The following KCND2 variants were observed in gnomAD, a reference collection of about 807,000 sequenced individuals.
KCND2 encodes the protein potassium voltage-gated channel subfamily D member 2.
A neutral mutation model predicts 54.4 loss-of-function variants in KCND2; 16 were observed. That is an observed-to-expected ratio of 0.29 (90% CI 0.20 to 0.45). The LOEUF is 0.45. Ranked by LOEUF, KCND2 falls within the 20% of genes least tolerant of loss-of-function variation. KCND2 has a pLI of 1.00. For synonymous variants in KCND2, 317 were observed against 310.7 expected (o/e 1.02, Z -0.21); for missense variants, 486 against 824.2 (o/e 0.59, Z 5.02).
intron 1 of KCND2, among the ~76,000 whole-genome samples, chr7:120,426,580 T>G (rs1801709240): frequency 6.9e-6 from 1 of 145,004 alleles, no homozygotes; most frequent in Non-Finnish European, 1.5e-5. Context: ...TTTGTGGGGT[T>G]TTTCTTTGTT....
Position 120,485,442 on chromosome 7 carries a change from A to G in KCND2, c.1115+209695A>G, listed in dbSNP as rs966754339. ...ACATATCAAAGTTTAGAATGGAAAT[A>G]CAATTCCTACTCTGCAGGTACCTGG... On this transcript the variant is annotated intron_variant, in intron 1 of 5. Coordinates refer to ENST00000331113, the MANE Select transcript of KCND2 (RefSeq NM_012281.3). 2.0e-5 allele frequency among the ~76,000 whole-genome samples: 3 copies of G among 152,184 alleles called. No homozygotes were observed. The South Asian group carries it at 6.2e-4, about 32-fold the overall frequency.
At chr7:120,575,732 C>A (rs963724402) in intron 1 of KCND2, among the ~76,000 whole-genome samples, 1 of 152,096 alleles carries the variant, frequency 6.6e-6, no homozygotes, top group Non-Finnish European at 1.5e-5. Context: ...TTAAATCAAA[C>A]GAATACGTTC....
intron 1 of KCND2, among the ~76,000 whole-genome samples, chr7:120,362,474 A>T (rs1291855425): frequency 6.6e-6 from 1 of 152,156 alleles, no homozygotes; most frequent in Non-Finnish European, 1.5e-5. Flanking sequence ...TGGTGACCCT[A>T]TGCTAAAAGT....
intron 1 of KCND2, among the ~76,000 whole-genome samples, chr7:120,562,900 A>C (rs138672846): frequency 6.6e-6 from 1 of 152,332 alleles, no homozygotes; most frequent in East Asian, 1.9e-4. Flanking sequence ...AGATAATGAA[A>C]GAGAGCATAT....
intron 1 of KCND2, among the ~76,000 whole-genome samples, chr7:120,606,231 C>T (rs943069250): frequency 2.3e-4 from 35 of 152,162 alleles, no homozygotes; most frequent in African/African-American, 8.0e-4. Context: ...TTCAAATCCT[C>T]TGCCAATTTT....
At chr7:120,485,776 T>C (rs1802684199) in intron 1 of KCND2, among the ~76,000 whole-genome samples, 1 of 152,234 alleles carries the variant, frequency 6.6e-6, no homozygotes. Flanking sequence ...CTAGATAAAC[T>C]GCACATATAA....
chr7:120,690,984 C>G (rs369898158), intron 1 of KCND2, among the ~76,000 whole-genome samples: 1 of 152,194 alleles, frequency 6.6e-6, no homozygotes, highest in South Asian at 2.1e-4. Flanking sequence ...AAAGTCTACA[C>G]CAAGAAGATG....
At chr7:120,581,720 ATT>A (rs10542354) in intron 1 of KCND2, among the ~76,000 whole-genome samples, 131,009 of 151,262 alleles carry the variant, frequency 0.87, 58,221 homozygotes, top group Non-Finnish European at 0.98. Flanking sequence ...GATCTTAATA[ATT>A]TTTTTTTTTT....
chr7:120,386,580 A>G (rs939043030), intron 1 of KCND2, among the ~76,000 whole-genome samples: 1 of 152,178 alleles, frequency 6.6e-6, no homozygotes, highest in Non-Finnish European at 1.5e-5. Flanking sequence ...AATTAGAATT[A>G]TGACATCCCT....
intron 1 of KCND2, among the ~76,000 whole-genome samples, chr7:120,429,083 G>A (rs992403265): frequency 2.0e-5 from 3 of 152,176 alleles, no homozygotes; most frequent in African/African-American, 7.2e-5. Context: ...TGTATCTTTT[G>A]AATGTTAGGT....
intron 1 of KCND2, among the ~76,000 whole-genome samples, chr7:120,644,791 ATTAT>A (rs1793418114): frequency 6.6e-6 from 1 of 152,218 alleles, no homozygotes; most frequent in Non-Finnish European, 1.5e-5. Context: ...TCCTACAGAA[ATTAT>A]TTGTGTGTCT....
chr7:120,408,820 A>ATTTGT (rs1801404020), intron 1 of KCND2, among the ~76,000 whole-genome samples: 1 of 151,952 alleles, frequency 6.6e-6, no homozygotes, highest in Non-Finnish European at 1.5e-5. Flanking sequence ...TCTTCAAATA[A>ATTTGT]TTCCATAGTA....
At chr7:120,465,182 A>G (rs1802349489) in intron 1 of KCND2, among the ~76,000 whole-genome samples, 1 of 152,158 alleles carries the variant, frequency 6.6e-6, no homozygotes, top group Admixed American at 6.5e-5. Context: ...TTTATGTCAT[A>G]TTTTTAAGGA....
chr7:120,613,841 A>G (rs1206556804), intron 1 of KCND2, among the ~76,000 whole-genome samples: 1 of 152,160 alleles, frequency 6.6e-6, no homozygotes, highest in Non-Finnish European at 1.5e-5. Context: ...GTTGAATTCC[A>G]CATTTCAAAT....
At chr7:120,595,702 A>G (rs1307995911) in intron 1 of KCND2, among the ~76,000 whole-genome samples, 4 of 150,768 alleles carry the variant, frequency 2.7e-5, no homozygotes. Flanking sequence ...AAACAATCTC[A>G]ATGATATTTT....
chr7:120,375,401 A>G (rs1800822478), intron 1 of KCND2, among the ~76,000 whole-genome samples: 1 of 151,886 alleles, frequency 6.6e-6, no homozygotes, highest in Admixed American at 6.6e-5. Context: ...TGTAAATACC[A>G]GGTGGCATAA....
Position 120,402,350 on chromosome 7 carries a change from G to A in KCND2, c.1115+126603G>A, listed in dbSNP as rs116840933. Among the ~76,000 whole-genome samples, 446 of 152,216 alleles carry A rather than the reference G, an allele frequency of 2.9e-3. 1 individual carries two copies. Among genetic ancestry groups the A allele is most frequent in the Non-Finnish European group, 5.0e-3 (340 of 67,992 alleles). ...GAAAACAAAGAACGGGGAGTACAAC[G>A]GAATGATTGTAGTAACTGAATGCAT... On this transcript the variant is annotated intron_variant, in intron 1 of 5. Coordinates refer to ENST00000331113, the MANE Select transcript of KCND2 (RefSeq NM_012281.3).
chr7:120,511,342 C>T (rs981675698), intron 1 of KCND2, among the ~76,000 whole-genome samples: 2 of 151,990 alleles, frequency 1.3e-5, no homozygotes, highest in South Asian at 4.1e-4. Flanking sequence ...CATTAAATTG[C>T]TCATTTGTTT....
chr7:120,380,524 A>G (rs1354448656), intron 1 of KCND2, among the ~76,000 whole-genome samples: 2 of 152,074 alleles, frequency 1.3e-5, no homozygotes. Context: ...AAAACAATTG[A>G]AAGAGTCACA....
Sources: allele counts gnomAD v4.1 joint callset (sites outside exome capture counted in the v4.1 genomes callset), GRCh38; gene constraint gnomAD v4.1.1; transcripts MANE v1.5; gene names NCBI Gene and HGNC (gene_info 2026-07-23, HGNC 2026-07-21).